The following SPOCK3 variants were observed in gnomAD, a reference collection of about 807,000 sequenced individuals.
The protein encoded by SPOCK3 is SPARC (osteonectin), cwcv and kazal like domains proteoglycan 3, also known as testican-3.
In SPOCK3, 30 loss-of-function variants were observed where a neutral mutation model predicts 56.6. The ratio of observed to expected loss-of-function variants is 0.53; its 90% confidence interval spans 0.40 to 0.72. The LOEUF (loss-of-function observed/expected upper bound fraction) is 0.72, where lower values mean the gene tolerates loss of function less well. Ranked by LOEUF, SPOCK3 falls within the 30% of genes least tolerant of loss-of-function variation. The pLI, the probability that SPOCK3 is intolerant of heterozygous loss-of-function variation, is 0.00. For missense variants in SPOCK3, 527 were observed against 530.0 expected (o/e 0.99, Z 0.06); for synonymous variants, 196 against 183.3 (o/e 1.07, Z -0.56).
intron 3 of SPOCK3, among the ~76,000 whole-genome samples, chr4:167,060,293 G>GAAAAAAAAAAAAGAAAAA (rs1755447111): frequency 7.8e-6 from 1 of 128,720 alleles, no homozygotes. Flanking sequence ...ACCAGGCACA[G>GAAAAAAAAAAAAGAAAAA]AAAAAAAAAA....
At chr4:166,793,245 T>C (rs977550934) in intron 6 of SPOCK3, among the ~76,000 whole-genome samples, 4 of 152,194 alleles carry the variant, frequency 2.6e-5, no homozygotes, top group African/African-American at 9.6e-5. Context: ...TTTTATTACA[T>C]TTAATATATA....
intron 2 of SPOCK3, among the ~76,000 whole-genome samples, chr4:167,172,837 A>C (rs1391853167): frequency 6.6e-6 from 1 of 152,138 alleles, no homozygotes; most frequent in Non-Finnish European, 1.5e-5. Flanking sequence ...AATTCACCAA[A>C]GGTTTCAGGG....
chr4:167,092,462 T>G (rs1342708960), intron 2 of SPOCK3, among the ~76,000 whole-genome samples: 1 of 152,162 alleles, frequency 6.6e-6, no homozygotes, highest in African/African-American at 2.4e-5. Flanking sequence ...CTCTCTCCTC[T>G]GAATTATTGC....
At chr4:167,197,075 G>A (rs1439580416) in intron 2 of SPOCK3, among the ~76,000 whole-genome samples, 1 of 152,132 alleles carries the variant, frequency 6.6e-6, no homozygotes, top group Non-Finnish European at 1.5e-5. Flanking sequence ...GTGTGAGGGT[G>A]TGACTCATTG....
intron 6 of SPOCK3, among the ~76,000 whole-genome samples, chr4:166,814,319 T>C (rs1261815690): frequency 6.6e-6 from 1 of 152,060 alleles, no homozygotes; most frequent in Non-Finnish European, 1.5e-5. Context: ...TTGGATTGGA[T>C]TGAAGGATGC....
chr4:167,157,618 TA>T (rs35532827), intron 2 of SPOCK3, among the ~76,000 whole-genome samples: 39,579 of 147,674 alleles, frequency 0.27, 5,771 homozygotes, highest in African/African-American at 0.41. Context: ...AGGTTTTTTT[TA>T]AAAAAAAAAA....
intron 6 of SPOCK3, among the ~76,000 whole-genome samples, chr4:166,849,762 C>A (rs570687452): frequency 5.3e-5 from 8 of 152,102 alleles, no homozygotes; most frequent in Non-Finnish European, 1.0e-4. Flanking sequence ...ACCCTTACTT[C>A]CCCAGTTCCT....
At chr4:167,046,494 C>T (rs1159412565) in intron 3 of SPOCK3, among the ~76,000 whole-genome samples, 2 of 115,170 alleles carry the variant, frequency 1.7e-5, no homozygotes, top group Non-Finnish European at 3.4e-5. Context: ...CTCACTCTGT[C>T]GCCTAAGCTG....
chr4:167,159,050 C>T (rs556229828), intron 2 of SPOCK3, among the ~76,000 whole-genome samples: 1 of 152,018 alleles, frequency 6.6e-6, no homozygotes, highest in East Asian at 1.9e-4. Flanking sequence ...TATATGTTAG[C>T]AAAAGCACAG....
intron 2 of SPOCK3, among the ~76,000 whole-genome samples, chr4:167,125,380 G>C (rs1326764425): frequency 6.7e-6 from 1 of 149,676 alleles, no homozygotes; most frequent in African/African-American, 2.4e-5. Context: ...GACTCAGATT[G>C]CTGAAACAAA....
chr4:167,113,486 C>T (rs950906474), intron 2 of SPOCK3, among the ~76,000 whole-genome samples: 1 of 152,046 alleles, frequency 6.6e-6, no homozygotes, highest in African/African-American at 2.4e-5. Context: ...GCTACTCAGC[C>T]TTAAAACACC....
chr4:167,150,610 G>T (rs960256616), intron 2 of SPOCK3, among the ~76,000 whole-genome samples: 2 of 152,104 alleles, frequency 1.3e-5, no homozygotes, highest in South Asian at 4.1e-4. Flanking sequence ...TAGAAAACCC[G>T]TAGACTTATG....
At chr4:166,793,495 A>G (rs572357075) in intron 6 of SPOCK3, among the ~76,000 whole-genome samples, 3 of 152,306 alleles carry the variant, frequency 2.0e-5, no homozygotes, top group African/African-American at 7.2e-5. Context: ...AAAGTTTACA[A>G]ATTTGTGTTG....
intron 5 of SPOCK3, among the ~76,000 whole-genome samples, chr4:166,902,653 GCTT>G (rs1237706095): frequency 1.3e-5 from 2 of 151,164 alleles, no homozygotes; most frequent in African/African-American, 2.4e-5. Flanking sequence ...ATATATTATA[GCTT>G]ATTATTCTAT....
intron 4 of SPOCK3, among the ~76,000 whole-genome samples, chr4:166,989,583 C>A (rs919193787): frequency 1.3e-5 from 2 of 152,062 alleles, no homozygotes; most frequent in Non-Finnish European, 2.9e-5. Flanking sequence ...TAGGGCATAT[C>A]CACAGCTAGT....
intron 3 of SPOCK3, among the ~76,000 whole-genome samples, chr4:167,028,398 C>T (rs1440687689): frequency 7.3e-6 from 1 of 137,002 alleles, no homozygotes; most frequent in African/African-American, 3.1e-5. Flanking sequence ...ACAACAACAA[C>T]AACAACAAAA....
chr4:166,739,968 G>GA (rs1473330395), intron 9 of SPOCK3, among the ~76,000 whole-genome samples: 2 of 152,116 alleles, frequency 1.3e-5, no homozygotes, highest in Middle Eastern at 3.4e-3. Context: ...TTAAAGGCCA[G>GA]AAAAAATAAG....
chr4:166,843,689 G>T (rs1009391595), intron 6 of SPOCK3, among the ~76,000 whole-genome samples: 4 of 152,154 alleles, frequency 2.6e-5, no homozygotes, highest in African/African-American at 9.7e-5. Context: ...GGATCCAGTT[G>T]GCTCTGAATC....
intron 4 of SPOCK3, among the ~76,000 whole-genome samples, chr4:166,916,406 T>C (rs1364358096): frequency 5.3e-5 from 8 of 152,150 alleles, no homozygotes; most frequent in Admixed American, 3.3e-4. Flanking sequence ...ATGATTTAAC[T>C]TTCACTCTAG....
Sources: allele counts gnomAD v4.1 joint callset (sites outside exome capture counted in the v4.1 genomes callset), GRCh38; gene constraint gnomAD v4.1.1; transcripts MANE v1.5; gene names NCBI Gene and HGNC (gene_info 2026-07-23, HGNC 2026-07-21).